The following SMYD3 variants were observed in gnomAD, a reference collection of about 807,000 sequenced individuals.
SMYD3 encodes the protein SET and MYND domain containing 3.
SMYD3 carries 36 observed loss-of-function variants against 57.7 expected under a neutral mutation model. The observed-to-expected ratio is 0.62, with a 90% CI of 0.48 to 0.82. The LOEUF is 0.82. Among genes scored for constraint, SMYD3 ranks in the 40% least tolerant of loss-of-function variants. SMYD3 has a pLI of 0.00. For synonymous variants in SMYD3, 211 were observed against 195.0 expected, an observed-to-expected ratio of 1.08 and a Z score of -0.68; for missense variants, 515 against 538.8, an observed-to-expected ratio of 0.96 and a Z score of 0.44.
chr1:246,150,515 C>T (rs1451689703), intron 5 of SMYD3, among the ~76,000 whole-genome samples: 1 of 152,182 alleles, frequency 6.6e-6, no homozygotes, highest in East Asian at 1.9e-4. Flanking sequence ...GCATTTTTTA[C>T]ATCTGTTGGT....
intron 2 of SMYD3, among the ~76,000 whole-genome samples, chr1:246,340,939 G>A (rs1022686180): frequency 6.6e-6 from 1 of 151,942 alleles, no homozygotes; most frequent in African/African-American, 2.4e-5. Flanking sequence ...AGTGAGCCAT[G>A]GTCACACCAC....
At chr1:246,500,388 C>T (rs2068438952) in intron 1 of SMYD3, among the ~76,000 whole-genome samples, 1 of 152,302 alleles carries the variant, frequency 6.6e-6, no homozygotes, top group East Asian at 1.9e-4. Context: ...AGGTCAGAGG[C>T]AACCTTGTGG....
intron 10 of SMYD3, among the ~76,000 whole-genome samples, chr1:245,807,668 C>G (rs555373861): frequency 1.3e-5 from 2 of 152,212 alleles, no homozygotes; most frequent in Non-Finnish European, 2.9e-5. Flanking sequence ...TTAAAACTCA[C>G]CATTAATAAC....
At chr1:246,421,672 A>C (rs972029050) in intron 1 of SMYD3, among the ~76,000 whole-genome samples, 2 of 152,238 alleles carry the variant, frequency 1.3e-5, no homozygotes, top group Non-Finnish European at 2.9e-5. Flanking sequence ...GCAATTAAAA[A>C]CAGTAAAATA....
chr1:246,213,770 G>C (rs1368789133), intron 5 of SMYD3, among the ~76,000 whole-genome samples: 2 of 152,150 alleles, frequency 1.3e-5, no homozygotes, highest in Non-Finnish European at 1.5e-5. Context: ...ATGGCCATCG[G>C]CCATTGAGTA....
At chr1:246,160,317 T>C (rs957835612) in intron 5 of SMYD3, among the ~76,000 whole-genome samples, 1 of 152,166 alleles carries the variant, frequency 6.6e-6, no homozygotes. Flanking sequence ...CTAATATGCA[T>C]AGAAGAAAAA....
chr1:245,812,210 G>T (rs188243778), intron 10 of SMYD3, among the ~76,000 whole-genome samples: 139 of 152,290 alleles, frequency 9.1e-4, no homozygotes, highest in African/African-American at 3.2e-3. Flanking sequence ...TGGATTGAAG[G>T]ACTAAAGTCC....
chr1:246,189,514 A>G (rs1466121811), intron 5 of SMYD3, among the ~76,000 whole-genome samples: 1 of 152,234 alleles, frequency 6.6e-6, no homozygotes, highest in African/African-American at 2.4e-5. Flanking sequence ...ACATACTCCT[A>G]TAACAAGAAG....
chr1:246,177,993 T>C (rs568081301), intron 5 of SMYD3, among the ~76,000 whole-genome samples: 1 of 152,326 alleles, frequency 6.6e-6, no homozygotes, highest in East Asian at 1.9e-4. Flanking sequence ...TTTATAAAAA[T>C]GGCAGTGGTT....
intron 5 of SMYD3, among the ~76,000 whole-genome samples, chr1:246,171,659 T>G (rs1384353365): frequency 6.6e-6 from 1 of 152,140 alleles, no homozygotes; most frequent in Non-Finnish European, 1.5e-5. Flanking sequence ...GCAGTTGTAA[T>G]ACAATGGTAG....
intron 11 of SMYD3, among the ~76,000 whole-genome samples, chr1:245,753,000 T>A (rs1008337431): frequency 3.3e-5 from 5 of 152,168 alleles, no homozygotes; most frequent in African/African-American, 4.8e-5. Context: ...GCAGAGGCTC[T>A]CCTGGACATG....
At position 245,896,817 on chromosome 1, in the gene SMYD3, C is replaced by G. The variant is rs745753984; in HGVS notation, c.813+18713G>C. Among the ~76,000 whole-genome samples, 12 of 152,118 alleles carry G rather than the reference C, an allele frequency of 7.9e-5. 1 individual carries two copies. Among genetic ancestry groups the G allele is most frequent in the Admixed American group, 7.2e-4 (11 of 15,268 alleles). ...ACCGGGGCGCAAGAGGTCCAAATGC[C>G]ATTAAGTTCTGGTTTTGAACTGGAG... On this transcript the variant is annotated intron_variant, in intron 8 of 11. Coordinates refer to ENST00000490107, the MANE Select transcript of SMYD3 (RefSeq NM_001167740.2).
intron 5 of SMYD3, among the ~76,000 whole-genome samples, chr1:246,101,064 GTTTTTTGTTTTTTTTTTT>G (rs1254820949): frequency 1.0e-3 from 81 of 78,596 alleles, no homozygotes; most frequent in Middle Eastern, 9.4e-3. Context: ...ATTTTTAGGG[GTTTTTTGTTTTTTTTTTT>G]TTTTTTTTTT....
chr1:245,826,137 A>AT (rs746708692), intron 10 of SMYD3, among the ~76,000 whole-genome samples: 69 of 151,822 alleles, frequency 4.5e-4, no homozygotes, highest in Non-Finnish European at 9.3e-4. Flanking sequence ...ACACTGTTGT[A>AT]TAACAGTCAT....
intron 10 of SMYD3, among the ~76,000 whole-genome samples, chr1:245,846,191 G>C (rs2050656044): frequency 6.6e-6 from 1 of 152,216 alleles, no homozygotes; most frequent in African/African-American, 2.4e-5. Context: ...GGGAAGGAAG[G>C]AGGGAGAGAA....
intron 7 of SMYD3, among the ~76,000 whole-genome samples, chr1:245,924,746 T>C (rs1215333784): frequency 1.4e-5 from 2 of 147,328 alleles, no homozygotes; most frequent in Non-Finnish European, 3.0e-5. Flanking sequence ...CACCGCAACC[T>C]GCGCCTCCTG....
intron 2 of SMYD3, among the ~76,000 whole-genome samples, chr1:246,348,137 C>G (rs191211462): frequency 6.9e-6 from 1 of 145,690 alleles, no homozygotes; most frequent in Admixed American, 7.1e-5. Flanking sequence ...GCCCTTGGGC[C>G]GGGCGCATTG....
chr1:245,821,270 A>C (rs1167007388), intron 10 of SMYD3, among the ~76,000 whole-genome samples: 1 of 5,194 alleles, frequency 1.9e-4, no homozygotes, highest in Non-Finnish European at 5.0e-3. Flanking sequence ...GATCTTTGAC[A>C]AACCTGACAA....
chr1:246,031,996 GACCCTTAC>G (rs1284493385), intron 5 of SMYD3, among the ~76,000 whole-genome samples: 1 of 152,026 alleles, frequency 6.6e-6, no homozygotes, highest in Non-Finnish European at 1.5e-5. Flanking sequence ...ACGTTGAAAC[GACCCTTAC>G]ACCCTCGAAG....
Sources: allele counts gnomAD v4.1 joint callset (sites outside exome capture counted in the v4.1 genomes callset), GRCh38; gene constraint gnomAD v4.1.1; transcripts MANE v1.5; gene names NCBI Gene and HGNC (gene_info 2026-07-23, HGNC 2026-07-21).